HHLA1: variants seen among roughly 807,000 people sequenced by gnomAD.
HHLA1 encodes HERV-H LTR-associating protein 1.
A neutral mutation model predicts 69.9 loss-of-function variants in HHLA1; 72 were observed. The ratio of observed to expected loss-of-function variants is 1.03; its 90% CI spans 0.85 to 1.25. The LOEUF is 1.25. HHLA1 is among the 50% of genes most tolerant of loss of function. The pLI, the probability that HHLA1 is intolerant of heterozygous loss-of-function variation, is 0.00. For synonymous variants in HHLA1, 252 were observed against 233.2 expected (o/e 1.08, Z -0.73); for missense variants, 685 against 642.2 (o/e 1.07, Z -0.72).
intron 10 of HHLA1, among the ~76,000 whole-genome samples, chr8:132,087,036 G>A (rs1334180450): frequency 6.6e-6 from 1 of 152,196 alleles, no homozygotes; most frequent in East Asian, 1.9e-4. Flanking sequence ...GAGTAACGTA[G>A]AGTCCAAATG....
chr8:132,099,591 C>T (rs1432717492), intron 4 of HHLA1, among the ~76,000 whole-genome samples: 2 of 152,172 alleles, frequency 1.3e-5, no homozygotes, highest in Admixed American at 6.5e-5. Context: ...CAGTGGCTCA[C>T]GCCTGTAATC....
At position 132,089,463 on chromosome 8, in the gene HHLA1, C is replaced by T. The variant is rs781734920; in HGVS notation, c.532+53G>A. ...GAACATAATATGCTTCATTATCTAC[C>T]ACAACAGATGCTAAACCTCAAAGTT... is the stretch of plus-strand genomic sequence containing the variant. On this transcript the variant is annotated intron_variant, in intron 8 of 16. Coordinates refer to ENST00000414222, the MANE Select transcript of HHLA1 (RefSeq NM_001145095.3). The T allele has an allele frequency of 4.0e-5, 38 of 957,140 alleles. 1 individual carries two copies. In the Admixed American group the frequency reaches 6.6e-4, roughly 17 times the overall value. 59.3% of individuals were successfully genotyped at this position (957,140 alleles called of 1,614,324 possible).
At position 132,065,869 on chromosome 8, in the gene HHLA1, T is replaced by G. The variant is rs1362086098; in HGVS notation, c.1552+17A>C. Reference sequence around the variant, plus strand: ...CATTCACTGCAAAGTTACAACATAGTCAAGCTGTGTACTTACTGTGCGAGT... The same window carrying G: ...CATTCACTGCAAAGTTACAACATAGGCAAGCTGTGTACTTACTGTGCGAGT... On this transcript the variant is annotated intron_variant, in intron 16 of 16. Coordinates refer to ENST00000414222, the MANE Select transcript of HHLA1 (RefSeq NM_001145095.3). 2 of 1,241,448 alleles carry G rather than the reference T, an allele frequency of 1.6e-6. No homozygotes were observed. Among genetic ancestry groups the G allele is most frequent in the Non-Finnish European group, 2.1e-6 (2 of 930,986 alleles). The allele number at this position is 1,241,448 out of a possible 1,614,324, so 76.9% of individuals were successfully genotyped here. A position where few individuals can be genotyped will look rare whatever the true frequency, so the allele number is the denominator to read the frequency against.
rs185026351 is a variant in HHLA1, at chr8:132,104,015, G to A, written c.139+93C>T. ...TAGAGTGTTAGATGCGGATATAATC[G>A]CTGTCTTATCAGTAGAGAAAGTCAG... On this transcript the variant is annotated intron_variant, in intron 3 of 16. Coordinates refer to ENST00000414222, the MANE Select transcript of HHLA1 (RefSeq NM_001145095.3). 902 of 805,464 alleles carry A rather than the reference G, an allele frequency of 1.1e-3. 4 individuals carry two copies. The highest frequency in any genetic ancestry group is 1.7e-3 in the Admixed American group (81 of 48,504). The allele number at this position is 805,464 out of a possible 1,614,324, so 49.9% of individuals were successfully genotyped here.
chr8:132,103,511 G>A (rs935281682), intron 3 of HHLA1, among the ~76,000 whole-genome samples: 35 of 152,024 alleles, frequency 2.3e-4, no homozygotes, highest in Non-Finnish European at 4.4e-5. Flanking sequence ...CCTAGCTATC[G>A]GGAGGCTGAG....
At chr8:132,066,098 C>A in intron 15 of HHLA1, 130 bp from the exon 16 acceptor site, 2 of 390,528 alleles carry the variant, frequency 5.1e-6, no homozygotes, top group South Asian at 4.0e-5. Context: ...GAACCCTCTG[C>A]CCATCTTTAA....
At chr8:132,097,053 A>C (rs544114026) in intron 5 of HHLA1, among the ~76,000 whole-genome samples, 2 of 152,254 alleles carry the variant, frequency 1.3e-5, no homozygotes, top group African/African-American at 4.8e-5. Context: ...ACTTTGGTGC[A>C]CGCAAATCAC....
At chr8:132,066,474 A>G (rs1195637810) in intron 15 of HHLA1, among the ~76,000 whole-genome samples, 1 of 152,182 alleles carries the variant, frequency 6.6e-6, no homozygotes, top group East Asian at 1.9e-4. Flanking sequence ...TTGCAAAATA[A>G]CATTCTGTTC....
intron 2 of HHLA1, among the ~76,000 whole-genome samples, chr8:132,104,556 G>A (rs2130901312): frequency 6.6e-6 from 1 of 152,332 alleles, no homozygotes; most frequent in South Asian, 2.1e-4. Context: ...AATAGCATTT[G>A]AGTAGGATTT....
rs1823885699 is a variant in HHLA1 at position 132,087,673 on chromosome 8, C to T, written c.656G>A (p.Ser219Asn). 6.4e-7 allele frequency: 1 copy of T among 1,551,344 alleles called. No individual in the cohort carries two copies. Among genetic ancestry groups the T allele is most frequent in the Non-Finnish European group, 8.7e-7 (1 of 1,146,716 alleles). Residue 219 changes from serine to asparagine, a missense_variant, in exon 10 of 17, where the codon AGC (serine) becomes AAC (asparagine). Ser to Asn is a conservative substitution (Grantham distance 46, BLOSUM62 1). Coordinates refer to ENST00000414222, the MANE Select transcript of HHLA1 (RefSeq NM_001145095.3). ...CTCACCCAGAACACCAGACAAGCCG[C>T]TGGTAAATGTGTAATTGATAATGGG... ...KYPIINYTFT[S>N]GLSGVLGAAT...
intron 1 of HHLA1, among the ~76,000 whole-genome samples, chr8:132,105,704 ATACCAAAATTACTTATATGACCCTGCAT>A (rs1824193144): frequency 6.6e-6 from 1 of 152,228 alleles, no homozygotes; most frequent in Non-Finnish European, 1.5e-5. Flanking sequence ...CTTGCAGCCC[ATACCAAAATTACTTATATGACCCTGCAT>A]TATTGCAGGA....
intron 10 of HHLA1, chr8:132,085,528 C>T (rs755766670): frequency 9.4e-5 from 29 of 308,784 alleles, no homozygotes; most frequent in East Asian, 4.1e-4. Flanking sequence ...GGAGGTCCCC[C>T]GATCCGAGTG....
intron 10 of HHLA1, chr8:132,080,322 G>A (rs1823728435): frequency 8.3e-6 from 3 of 361,538 alleles, no homozygotes; most frequent in South Asian, 6.3e-5. Context: ...CAGGCGGGCT[G>A]AGTCCGAAAA....
At chr8:132,075,184 A>AAGGTGGGC (rs1450626425) in intron 14 of HHLA1, among the ~76,000 whole-genome samples, 76 of 152,306 alleles carry the variant, frequency 5.0e-4, no homozygotes, top group Non-Finnish European at 9.6e-4. Context: ...GGCTGAGAGT[A>AAGGTGGGC]AGGCTGGGGC....
intron 5 of HHLA1, among the ~76,000 whole-genome samples, chr8:132,097,435 G>A (rs550853207): frequency 2.1e-4 from 32 of 152,278 alleles, no homozygotes; most frequent in South Asian, 1.0e-3. Flanking sequence ...CAATGGGCAC[G>A]CCTCAACGTC....
chr8:132,072,917 A>AG (rs1351898795), intron 14 of HHLA1, among the ~76,000 whole-genome samples: 2 of 152,050 alleles, frequency 1.3e-5, no homozygotes, highest in East Asian at 3.8e-4. Context: ...AAAAAAAAAA[A>AG]GAGTTTATTG....
chr8:132,074,602 A>AT (rs144253262), intron 14 of HHLA1, among the ~76,000 whole-genome samples: 8,682 of 150,296 alleles, frequency 0.058, 312 homozygotes, highest in Middle Eastern at 0.089. Context: ...TTGTGGCATG[A>AT]TTTTTTTTTT....
At chr8:132,102,206 G>T (rs1203916512) in intron 3 of HHLA1, among the ~76,000 whole-genome samples, 1 of 152,314 alleles carries the variant, frequency 6.6e-6, no homozygotes, top group South Asian at 2.1e-4. Flanking sequence ...ATATTGCATT[G>T]TATGTATATA....
intron 14 of HHLA1, 70 bp downstream of exon 14, chr8:132,075,985 C>G: frequency 8.6e-7 from 1 of 1,156,108 alleles, no homozygotes; most frequent in Non-Finnish European, 1.3e-6. Flanking sequence ...ACAAACCTCT[C>G]CTTATTCTAC....
Sources: gnomAD v4.1 joint callset for allele counts (sites outside exome capture counted in the v4.1 genomes callset) on GRCh38, gnomAD v4.1.1 for gene constraint, MANE v1.5 for transcripts, NCBI Gene and HGNC (gene_info 2026-07-23, HGNC 2026-07-21) for gene names.